Variants in UNC5C observed in about 807,000 individuals in gnomAD.
UNC5C encodes the protein netrin receptor UNC5C.
UNC5C carries 47 observed loss-of-function variants against 99.8 expected under a neutral mutation model. The observed-to-expected ratio is 0.47, with a 90% CI of 0.37 to 0.60. The LOEUF (loss-of-function observed/expected upper bound fraction) is 0.60, where lower values mean the gene tolerates loss of function less well. Among genes scored for constraint, UNC5C ranks in the 20% least tolerant of loss-of-function variants. The probability of loss-of-function intolerance (pLI) is 0.00; values close to 1 mark genes in which losing one functional copy is unlikely to be tolerated. For synonymous variants in UNC5C, 487 were observed against 452.2 expected (o/e 1.08, Z -0.98); for missense variants, 1,062 against 1,165.9 (o/e 0.91, Z 1.30).
intron 5 of UNC5C, among the ~76,000 whole-genome samples, chr4:95,250,092 C>T (rs920084959): frequency 1.3e-5 from 2 of 152,122 alleles, no homozygotes; most frequent in African/African-American, 4.8e-5. Context: ...AGGCTTCCTT[C>T]GCTTTCCTAG....
At position 95,267,949 on chromosome 4, in the gene UNC5C, A is replaced by ATTTTTTTTTTTTTTTTTTTTT. The variant is rs869293955; in HGVS notation, c.594+10309_594+10310insAAAAAAAAAAAAAAAAAAAAA. Among the ~76,000 whole-genome samples, 76 of 117,564 alleles carry ATTTTTTTTTTTTTTTTTTTTT rather than the reference A, an allele frequency of 6.5e-4. 5 individuals carry two copies. Among genetic ancestry groups the ATTTTTTTTTTTTTTTTTTTTT allele is most frequent in the African/African-American group, 2.3e-3 (67 of 29,160 alleles). 77.1% of individuals were successfully genotyped at this position (117,564 alleles called of 152,430 possible). On this transcript the variant is annotated intron_variant, in intron 4 of 15. Coordinates refer to ENST00000453304, the MANE Select transcript of UNC5C (RefSeq NM_003728.4). ...ATGATCCTGTAGGCTGAATTTTGTGATTTTTTTTTTTTTTTTTTGAGACGG... is the reference window on the plus strand; with the variant it reads ...ATGATCCTGTAGGCTGAATTTTGTGATTTTTTTTTTTTTTTTTTTTTTTTTTTTTTTTTTTTTTTGAGACGG...
intron 3 of UNC5C, among the ~76,000 whole-genome samples, chr4:95,279,435 G>T (rs1740974152): frequency 6.6e-6 from 1 of 152,114 alleles, no homozygotes; most frequent in South Asian, 2.1e-4. Flanking sequence ...CACATCAGAG[G>T]CACATACTTC....
intron 1 of UNC5C, among the ~76,000 whole-genome samples, chr4:95,485,246 C>A (rs1171089120): frequency 1.3e-5 from 2 of 151,640 alleles, no homozygotes; most frequent in Admixed American, 1.3e-4. Flanking sequence ...TGGGAATTAC[C>A]AGATATCTTA....
At chr4:95,222,203 A>G in intron 7 of UNC5C, 4 of 1,496,126 alleles carry the variant, frequency 2.7e-6, no homozygotes, top group South Asian at 1.3e-5. Flanking sequence ...CCAAACATCA[A>G]ACTTACAAGA....
At chr4:95,201,138 A>T (rs991044096) in intron 12 of UNC5C, among the ~76,000 whole-genome samples, 1 of 152,160 alleles carries the variant, frequency 6.6e-6, no homozygotes, top group African/African-American at 2.4e-5. Context: ...ACTGTGAGAA[A>T]TAAGTTTGTT....
intron 1 of UNC5C, among the ~76,000 whole-genome samples, chr4:95,443,373 AC>A (rs1158209020): frequency 1.3e-5 from 2 of 152,288 alleles, no homozygotes; most frequent in Middle Eastern, 3.4e-3. Flanking sequence ...GTAACAGGGT[AC>A]CTATTTTTGC....
chr4:95,190,824 G>A (rs990176974), intron 12 of UNC5C, among the ~76,000 whole-genome samples: 5 of 152,174 alleles, frequency 3.3e-5, no homozygotes, highest in Non-Finnish European at 7.3e-5. Context: ...CACTGCGGGC[G>A]CTGCCTCCAA....
intron 4 of UNC5C, among the ~76,000 whole-genome samples, chr4:95,272,596 G>A (rs1740702772): frequency 6.6e-6 from 1 of 152,168 alleles, no homozygotes; most frequent in African/African-American, 2.4e-5. Flanking sequence ...AGGTGACTTT[G>A]GCGAATGTTG....
intron 4 of UNC5C, among the ~76,000 whole-genome samples, chr4:95,253,576 T>G (rs993857383): frequency 6.6e-5 from 10 of 152,158 alleles, no homozygotes; most frequent in Non-Finnish European, 1.3e-4. Flanking sequence ...AACTCCCACT[T>G]GAATCACAGA....
At chr4:95,179,116 T>G (rs1226071636) in intron 14 of UNC5C, among the ~76,000 whole-genome samples, 2 of 152,188 alleles carry the variant, frequency 1.3e-5, no homozygotes, top group African/African-American at 4.8e-5. Context: ...CATATGATTT[T>G]TCAACATTAG....
rs912163330 is a variant in UNC5C, at chr4:95,538,367, T to C, written c.124+10367A>G. ...TATAAAAATCACTTTTCCTCAAGTG[T>C]GTTGTTTGAACATTCCTTTCCCTAA... On this transcript the variant is annotated intron_variant, in intron 1 of 15. Transcript: ENST00000453304. Among the ~76,000 whole-genome samples the C allele has an allele frequency of 2.0e-5, 3 of 152,186 alleles. No individual in the cohort carries two copies. The East Asian group carries it at 5.8e-4, about 29-fold the overall frequency.
intron 1 of UNC5C, among the ~76,000 whole-genome samples, chr4:95,490,517 G>A (rs1240009225): frequency 1.3e-5 from 2 of 151,632 alleles, no homozygotes; most frequent in African/African-American, 4.8e-5. Context: ...TAAGGCATAA[G>A]TAACACACAT....
intron 1 of UNC5C, among the ~76,000 whole-genome samples, chr4:95,338,326 T>A (rs1743426330): frequency 6.6e-6 from 1 of 152,070 alleles, no homozygotes; most frequent in South Asian, 2.1e-4. Context: ...CGAAACTGTA[T>A]CCTAACTTTT....
intron 4 of UNC5C, among the ~76,000 whole-genome samples, chr4:95,269,033 C>G (rs1740559926): frequency 6.6e-6 from 1 of 152,248 alleles, no homozygotes; most frequent in South Asian, 2.1e-4. Context: ...CCAAGTTTTA[C>G]TGACTGGTTT....
chr4:95,199,694 CTA>C (rs1307291944), intron 12 of UNC5C, among the ~76,000 whole-genome samples: 2 of 152,128 alleles, frequency 1.3e-5, no homozygotes, highest in African/African-American at 2.4e-5. Context: ...GAGGAGAGAA[CTA>C]TGTGTGTGAA....
chr4:95,320,652 A>C (rs1302550169), intron 2 of UNC5C, among the ~76,000 whole-genome samples: 2 of 152,130 alleles, frequency 1.3e-5, no homozygotes, highest in Non-Finnish European at 2.9e-5. Context: ...TGCTCCTGAA[A>C]TGTCCGTTTC....
intron 3 of UNC5C, among the ~76,000 whole-genome samples, chr4:95,285,312 A>G (rs1024351116): frequency 1.3e-5 from 2 of 152,182 alleles, no homozygotes; most frequent in African/African-American, 4.8e-5. Flanking sequence ...AGACTATTCT[A>G]GTGGAAATCT....
chr4:95,344,201 GA>G (rs1327330565), intron 1 of UNC5C, among the ~76,000 whole-genome samples: 1 of 151,528 alleles, frequency 6.6e-6, no homozygotes, highest in South Asian at 2.1e-4. Flanking sequence ...CGCAGCAAGA[GA>G]AAAAAACAAC....
At chr4:95,378,247 C>T (rs929682098) in intron 1 of UNC5C, among the ~76,000 whole-genome samples, 4 of 152,104 alleles carry the variant, frequency 2.6e-5, no homozygotes, top group Non-Finnish European at 5.9e-5. Context: ...CAAAAGTGTA[C>T]AGTAAATGCA....
Sources: allele counts gnomAD v4.1 joint callset (sites outside exome capture counted in the v4.1 genomes callset), GRCh38; gene constraint gnomAD v4.1.1; transcripts MANE v1.5; gene names NCBI Gene and HGNC (gene_info 2026-07-23, HGNC 2026-07-21).